PPHLN1: variants seen among roughly 807,000 people sequenced by gnomAD.
PPHLN1 encodes the protein periphilin 1, also known as periphilin-1.
PPHLN1 carries 29 observed loss-of-function variants against 51.3 expected under a neutral mutation model. The ratio of observed to expected loss-of-function variants is 0.57; its 90% CI spans 0.42 to 0.77. The LOEUF (loss-of-function observed/expected upper bound fraction) is 0.77. PPHLN1 is among the 30% of genes least tolerant of loss of function. PPHLN1 has a pLI of 0.00. For missense variants in PPHLN1, 436 were observed against 438.4 expected, an observed-to-expected ratio of 0.99 and a Z score of 0.05; for synonymous variants, 147 against 147.8, an observed-to-expected ratio of 0.99 and a Z score of 0.04.
chr12:42,404,974 C>T (rs1196502358), intron 9 of PPHLN1, among the ~76,000 whole-genome samples: 2 of 152,188 alleles, frequency 1.3e-5, no homozygotes, highest in African/African-American at 2.4e-5. Flanking sequence ...TTGCAGTGAG[C>T]CAAGATCATG....
At chr12:42,331,736 CCTT>C (rs1346028388) in intron 1 of PPHLN1, 11 of 152,150 alleles carry the variant, frequency 7.2e-5, no homozygotes, top group African/African-American at 2.7e-4. Flanking sequence ...TGTAGAGGGT[CCTT>C]CTATTGTTCT....
chr12:42,334,102 G>C (rs2070229039), intron 1 of PPHLN1, among the ~76,000 whole-genome samples: 1 of 152,110 alleles, frequency 6.6e-6, no homozygotes, highest in African/African-American at 2.4e-5. Context: ...TCTTTAGACT[G>C]AAACCTTTAG....
intron 2 of PPHLN1, among the ~76,000 whole-genome samples, chr12:42,339,031 AG>A (rs1283993237): frequency 6.6e-6 from 1 of 152,254 alleles, no homozygotes; most frequent in Admixed American, 6.5e-5. Context: ...TATGAAACAG[AG>A]GCTTCTTATC....
At chr12:42,356,688 T>C (rs1353504195) in intron 4 of PPHLN1, among the ~76,000 whole-genome samples, 5 of 152,270 alleles carry the variant, frequency 3.3e-5, no homozygotes, top group African/African-American at 1.2e-4. Flanking sequence ...CAAGTAGTTA[T>C]AAAAATAGCC....
At chr12:42,445,235 G>A (rs1593076220), downstream of PPHLN1, 24 of 622,878 alleles carry the variant, frequency 3.9e-5, no homozygotes, top group South Asian at 4.2e-4. Flanking sequence ...TGATGTCACT[G>A]CTTAACCAAG....
At chr12:42,364,629 A>T (rs1445564417) in intron 4 of PPHLN1, among the ~76,000 whole-genome samples, 1 of 152,098 alleles carries the variant, frequency 6.6e-6, no homozygotes, top group African/African-American at 2.4e-5. Context: ...GTCTCAAAAA[A>T]TTTTTAAAAA....
intron 4 of PPHLN1, among the ~76,000 whole-genome samples, chr12:42,371,887 T>A (rs149023209): frequency 4.4e-4 from 67 of 152,326 alleles, no homozygotes; most frequent in Admixed American, 3.9e-4. Context: ...TATGACTACT[T>A]CTTCTGTGGC....
In PPHLN1 at chr12:42,352,006, G is replaced by T; in HGVS notation, c.194G>T (p.Arg65Leu). Residue 65 changes from arginine to leucine, a missense_variant, in exon 3 of 10, where the codon CGC becomes CTC. Physicochemically the swap from Arg to Leu is moderately radical, Grantham distance 102. Transcript: ENST00000358314. ...GATTACCGAGACTATGACGAGGGCCGCAGTTTTTCTCATGATCGAAGAAGT... is the reference window on the plus strand; with the variant it reads ...GATTACCGAGACTATGACGAGGGCCTCAGTTTTTCTCATGATCGAAGAAGT... ...HVDYRDYDEG[R>L]SFSHDRRSGP... The T allele has an allele frequency of 6.5e-7, 1 of 1,547,208 alleles. No homozygotes were observed. The highest frequency in any genetic ancestry group is 8.7e-7 in the Non-Finnish European group (1 of 1,153,212).
downstream of PPHLN1, chr12:42,446,482 A>C: frequency 7.7e-7 from 1 of 1,290,920 alleles, no homozygotes; most frequent in East Asian, 2.6e-5. Context: ...AAGGATATGC[A>C]AAAAAAAATC....
At chr12:42,414,682 A>C (rs1357805330) in intron 9 of PPHLN1, among the ~76,000 whole-genome samples, 1 of 152,126 alleles carries the variant, frequency 6.6e-6, no homozygotes, top group African/African-American at 2.4e-5. Context: ...CTTTTGGAGG[A>C]GTCTTCAACG....
intron 2 of PPHLN1, among the ~76,000 whole-genome samples, chr12:42,341,512 TG>T (rs745750909): frequency 6.6e-6 from 1 of 152,220 alleles, no homozygotes; most frequent in Non-Finnish European, 1.5e-5. Flanking sequence ...ACTTTGGTTT[TG>T]ATGTTAAATT....
chr12:42,407,607 C>T lies in PPHLN1; in HGVS notation c.909+8613C>T, dbSNP rs576494945. ...GTAAATGTAGTGATTCCTCAGTATC[C>T]GTGGGGAATTGGTTTCAGGACACCT... On this transcript the variant is annotated intron_variant, in intron 9 of 9. Transcript: ENST00000358314. Among the ~76,000 whole-genome samples, 26 of 152,244 alleles carry T rather than the reference C, an allele frequency of 1.7e-4. 1 individual carries two copies. The highest frequency in any genetic ancestry group is 9.6e-4 in the East Asian group (5 of 5,186).
intron 5 of PPHLN1, among the ~76,000 whole-genome samples, chr12:42,383,940 C>T (rs1379194780): frequency 1.5e-5 from 2 of 137,486 alleles, no homozygotes; most frequent in Admixed American, 8.1e-5. Context: ...ACTGAGATCA[C>T]GCCACTGCAC....
chr12:42,430,195 A>G (rs1456614049), intron 9 of PPHLN1, among the ~76,000 whole-genome samples: 2 of 152,074 alleles, frequency 1.3e-5, no homozygotes, highest in Middle Eastern at 3.2e-3. Context: ...CCAATGATCT[A>G]ATCAACTGTG....
intron 9 of PPHLN1, among the ~76,000 whole-genome samples, chr12:42,433,832 C>T (rs1222068193): frequency 1.3e-5 from 2 of 152,060 alleles, no homozygotes; most frequent in African/African-American, 4.8e-5. Context: ...ATAAGTGCAC[C>T]CACTCAATCC....
intron 9 of PPHLN1, among the ~76,000 whole-genome samples, chr12:42,414,746 T>C (rs1337161751): frequency 2.6e-5 from 4 of 152,200 alleles, no homozygotes; most frequent in Admixed American, 2.6e-4. Flanking sequence ...ACTTACTCAT[T>C]TTCAGTTTGA....
At chr12:42,354,628 A>AT (rs2073831633) in intron 3 of PPHLN1, among the ~76,000 whole-genome samples, 1 of 152,314 alleles carries the variant, frequency 6.6e-6, no homozygotes, top group Admixed American at 6.5e-5. Flanking sequence ...TTTTAAATTT[A>AT]TTTAAACTTA....
rs541127241 is a variant in PPHLN1, at chr12:42,414,874, A to G, written c.909+15880A>G. On this transcript the variant is annotated intron_variant, in intron 9 of 9. Transcript: ENST00000358314. The stretch of plus-strand genomic sequence containing the variant: ...TCAATTTGGTTTTCTTTGCAAATTT[A>G]CCTAGAATTAGATTGTTTATCGCTC... 3.3e-5 allele frequency among the ~76,000 whole-genome samples: 5 copies of G among 152,302 alleles called. No homozygotes were observed. In the South Asian group the frequency reaches 1.0e-3, roughly 32 times the overall value.
chr12:42,387,526 T>A lies in PPHLN1; in HGVS notation c.639T>A (p.Ser213=). 1 of 1,612,586 alleles carries A rather than the reference T, an allele frequency of 6.2e-7. No individual in the cohort carries two copies. The highest frequency in any genetic ancestry group is 8.5e-7 in the Non-Finnish European group (1 of 1,179,450). Residue 213 remains serine, a synonymous_variant, in exon 7 of 10, where the codon TCT becomes TCA. Transcript: ENST00000358314. ...DTSPSSGSAV[S]SSKVLDKPSR... is the part of the protein sequence containing the mutation. ...CACCCTCAAGTGGTTCAGCAGTTTC[T>A]TCATCAAAGGTTTGTTATATTTCTA...
Sources: gnomAD v4.1 joint callset for allele counts (sites outside exome capture counted in the v4.1 genomes callset) on GRCh38, gnomAD v4.1.1 for gene constraint, MANE v1.5 for transcripts, NCBI Gene and HGNC (gene_info 2026-07-23, HGNC 2026-07-21) for gene names.